Variants in RBFOX2 observed in about 807,000 individuals in gnomAD.
RBFOX2 encodes the protein RNA binding fox-1 homolog 2, also known as RNA binding protein fox-1 homolog 2.
Under a neutral mutation model 49.1 loss-of-function variants are expected in RBFOX2, and 10 were observed. That is an observed-to-expected ratio of 0.20 (90% CI 0.13 to 0.35). The LOEUF (loss-of-function observed/expected upper bound fraction) is 0.35. RBFOX2 is among the 10% of genes least tolerant of loss of function. The pLI, the probability that RBFOX2 is intolerant of heterozygous loss-of-function variation, is 1.00. For missense variants in RBFOX2, 323 were observed against 486.9 expected (o/e 0.66, Z 3.17); for synonymous variants, 183 against 187.4 (o/e 0.98, Z 0.19).
At chr22:35,860,797 TGA>T (rs1278226786) in intron 1 of RBFOX2, among the ~76,000 whole-genome samples, 7 of 152,240 alleles carry the variant, frequency 4.6e-5, no homozygotes, top group African/African-American at 1.7e-4. Context: ...CCGAGAGAAT[TGA>T]GTCTTTCTGA....
chr22:35,815,679 A>G (rs1952888179), intron 1 of RBFOX2, among the ~76,000 whole-genome samples: 1 of 152,224 alleles, frequency 6.6e-6, no homozygotes, highest in Non-Finnish European at 1.5e-5. Context: ...CCATCATAAA[A>G]GAATCACTTC....
intron 1 of RBFOX2, among the ~76,000 whole-genome samples, chr22:35,823,852 T>C (rs1368797187): frequency 6.6e-6 from 1 of 152,000 alleles, no homozygotes; most frequent in Non-Finnish European, 1.5e-5. Flanking sequence ...CAGAGAAGGA[T>C]CAAAACTAAA....
At chr22:35,977,799 TA>T (rs2057270580) in intron 1 of RBFOX2, among the ~76,000 whole-genome samples, 1 of 129,398 alleles carries the variant, frequency 7.7e-6, no homozygotes, top group Admixed American at 7.8e-5. Context: ...TGTATACGTA[TA>T]AAATCCCCCT....
intron 1 of RBFOX2, among the ~76,000 whole-genome samples, chr22:35,948,473 A>T (rs770594580): frequency 6.6e-6 from 1 of 152,132 alleles, no homozygotes; most frequent in Non-Finnish European, 1.5e-5. Context: ...CCAGGGTGGG[A>T]AGAGGTCGAG....
At chr22:35,879,428 G>A (rs1215734150) in intron 1 of RBFOX2, among the ~76,000 whole-genome samples, 1 of 152,198 alleles carries the variant, frequency 6.6e-6, no homozygotes, top group Admixed American at 6.5e-5. Flanking sequence ...AAGAATATGT[G>A]TAGGTTATAT....
At chr22:35,789,404 G>A (rs1445898494) in intron 2 of RBFOX2, among the ~76,000 whole-genome samples, 8 of 152,116 alleles carry the variant, frequency 5.3e-5, no homozygotes, top group African/African-American at 1.7e-4. Flanking sequence ...TTAGTTGGGC[G>A]TGGTGGTGCG....
chr22:35,994,153 A>G (rs932889421), intron 1 of RBFOX2: 7 of 152,024 alleles, frequency 4.6e-5, no homozygotes, highest in African/African-American at 1.7e-4. Context: ...TGTAATTTAA[A>G]ATTTTGTAGT....
At chr22:35,766,116 GTGTT>G (rs1940876267) in intron 5 of RBFOX2, among the ~76,000 whole-genome samples, 1 of 152,168 alleles carries the variant, frequency 6.6e-6, no homozygotes, top group Non-Finnish European at 1.5e-5. Context: ...AGAAAATAAA[GTGTT>G]TATTTATTTT....
At chr22:35,739,203 T>C (rs922191582) in exon 12 of RBFOX2, 1 of 152,608 alleles carries the variant, frequency 6.6e-6, no homozygotes, top group Non-Finnish European at 1.5e-5. Context: ...TGTTTTGCCA[T>C]GGCAATGGGA....
chr22:35,827,556 C>T (rs1223717013), intron 1 of RBFOX2, among the ~76,000 whole-genome samples: 4 of 152,148 alleles, frequency 2.6e-5, no homozygotes, highest in Admixed American at 6.5e-5. Context: ...TCTTGTATAA[C>T]GCATATACAT....
chr22:35,752,156 C>CTGGTACTGT (rs1935186513), intron 9 of RBFOX2, among the ~76,000 whole-genome samples: 1 of 152,230 alleles, frequency 6.6e-6, no homozygotes, highest in Non-Finnish European at 1.5e-5. Context: ...AGTCCAATTA[C>CTGGTACTGT]AACTGGTATC....
At chr22:36,009,969 C>T (rs1035258570) in intron 1 of RBFOX2, among the ~76,000 whole-genome samples, 65 of 152,114 alleles carry the variant, frequency 4.3e-4, no homozygotes, top group African/African-American at 1.4e-3. Context: ...GTACTTCTTC[C>T]GCTCCTGTGT....
intron 1 of RBFOX2, among the ~76,000 whole-genome samples, chr22:35,861,952 T>G (rs1270174993): frequency 6.6e-6 from 1 of 152,194 alleles, no homozygotes; most frequent in African/African-American, 2.4e-5. Context: ...TAAAAATTAA[T>G]GAACCACCAG....
chr22:36,006,727 G>A (rs2058633452), intron 1 of RBFOX2, among the ~76,000 whole-genome samples: 1 of 152,108 alleles, frequency 6.6e-6, no homozygotes, highest in African/African-American at 2.4e-5. Context: ...CCTTGCCCTT[G>A]TACATACTGT....
intron 2 of RBFOX2, among the ~76,000 whole-genome samples, chr22:35,793,739 T>C (rs1031568423): frequency 1.3e-5 from 2 of 152,230 alleles, no homozygotes; most frequent in Non-Finnish European, 2.9e-5. Context: ...TAAACATTTC[T>C]TCTGTGCATT....
intron 1 of RBFOX2, among the ~76,000 whole-genome samples, chr22:35,854,868 GA>G (rs896286180): frequency 1.2e-4 from 18 of 149,086 alleles, no homozygotes; most frequent in Admixed American, 2.0e-4. Context: ...AATACTGATG[GA>G]AAAAAAAAGG....
upstream of RBFOX2, among the ~76,000 whole-genome samples, chr22:35,943,681 G>A (rs1458512758): frequency 1.3e-5 from 2 of 152,076 alleles, no homozygotes; most frequent in Non-Finnish European, 2.9e-5. Flanking sequence ...GGTGGATCAC[G>A]AGATCAGGAG....
intron 2 of RBFOX2, among the ~76,000 whole-genome samples, chr22:35,784,962 C>T (rs1394352523): frequency 6.6e-6 from 1 of 152,148 alleles, no homozygotes; most frequent in African/African-American, 2.4e-5. Context: ...AGGCCTCTTG[C>T]AAAGGGTGGA....
chr22:35,796,077 G>A (rs1948732814), intron 2 of RBFOX2, among the ~76,000 whole-genome samples: 1 of 152,136 alleles, frequency 6.6e-6, no homozygotes, highest in African/African-American at 2.4e-5. Context: ...GGACTCAAGT[G>A]ATCCTCCCAC....
Sources: gnomAD v4.1 joint callset for allele counts (sites outside exome capture counted in the v4.1 genomes callset) on GRCh38, gnomAD v4.1.1 for gene constraint, MANE v1.5 for transcripts, NCBI Gene and HGNC (gene_info 2026-07-23, HGNC 2026-07-21) for gene names.